The following PARD3 variants were observed in gnomAD, a reference collection of about 807,000 sequenced individuals.
PARD3 encodes partitioning defective 3 homolog.
In PARD3, 75 loss-of-function variants were observed where a neutral mutation model predicts 155.4. The ratio of observed to expected loss-of-function variants is 0.48; its 90% CI spans 0.40 to 0.58. The LOEUF (loss-of-function observed/expected upper bound fraction) is 0.58. Among genes scored for constraint, PARD3 ranks in the 20% least tolerant of loss-of-function variants. The pLI is 0.00. For missense variants in PARD3, 1,642 were observed against 1,721.7 expected (o/e 0.95, Z 0.82); for synonymous variants, 576 against 610.5 (o/e 0.94, Z 0.83).
At chr10:34,502,808 T>G (rs773136813) in intron 3 of PARD3, among the ~76,000 whole-genome samples, 57 of 152,056 alleles carry the variant, frequency 3.7e-4, no homozygotes, top group Non-Finnish European at 6.8e-4. Context: ...TTCCCACTTT[T>G]GAAGAAAAGA....
chr10:34,612,525 G>T (rs979863366), intron 2 of PARD3, among the ~76,000 whole-genome samples: 3 of 152,188 alleles, frequency 2.0e-5, no homozygotes, highest in Non-Finnish European at 4.4e-5. Flanking sequence ...CGTGTGAGAG[G>T]CACAATGTCT....
intron 21 of PARD3, among the ~76,000 whole-genome samples, chr10:34,280,910 G>A (rs1387241124): frequency 2.6e-5 from 4 of 152,244 alleles, no homozygotes; most frequent in Non-Finnish European, 4.4e-5. Context: ...AGAAAGATAC[G>A]CATATACTGG....
At chr10:34,552,730 T>C (rs17579143) in intron 2 of PARD3, among the ~76,000 whole-genome samples, 1 of 146,984 alleles carries the variant, frequency 6.8e-6, no homozygotes, top group Admixed American at 6.8e-5. Flanking sequence ...AAAAAAAAAA[T>C]CTAAATTTAC....
At chr10:34,236,244 T>G (rs758969534) in intron 22 of PARD3, among the ~76,000 whole-genome samples, 2 of 152,178 alleles carry the variant, frequency 1.3e-5, no homozygotes, top group Non-Finnish European at 2.9e-5. Flanking sequence ...TCCAGTGATA[T>G]CCATAAAAGA....
chr10:34,476,875 C>T (rs912519951), intron 3 of PARD3, among the ~76,000 whole-genome samples: 2 of 152,150 alleles, frequency 1.3e-5, no homozygotes, highest in East Asian at 1.9e-4. Context: ...GATCTTTTCA[C>T]GAGTTTCACC....
intron 2 of PARD3, among the ~76,000 whole-genome samples, chr10:34,633,335 CCCCAACCCCCCT>C (rs1193988824): frequency 6.6e-6 from 1 of 151,864 alleles, no homozygotes; most frequent in African/African-American, 2.4e-5. Context: ...GTTACGATCT[CCCCAACCCCCCT>C]CCCAACCGCT....
chr10:34,689,296 C>T (rs577446236), intron 2 of PARD3, among the ~76,000 whole-genome samples: 1 of 152,190 alleles, frequency 6.6e-6, no homozygotes, highest in Non-Finnish European at 1.5e-5. Context: ...CTGCATCACA[C>T]GATCCCTCAG....
At position 34,380,486 on chromosome 10, in the gene PARD3, T is replaced by G. The variant is rs537964902; in HGVS notation, c.1399+2054A>C. Among the ~76,000 whole-genome samples, 17 of 152,296 alleles carry G rather than the reference T, an allele frequency of 1.1e-4. 1 individual carries two copies. The South Asian group carries it at 3.3e-3, about 30-fold the overall frequency. On this transcript the variant is annotated intron_variant, in intron 9 of 24. Transcript: ENST00000374788. Reference sequence around the variant, plus strand: ...AAAACAATGGTACCAGTTTTGTAAGTAAAATGTATCAATTTGATTTATTTA... The same window carrying G: ...AAAACAATGGTACCAGTTTTGTAAGGAAAATGTATCAATTTGATTTATTTA...
chr10:34,115,155 G>C (rs183784587), intron 24 of PARD3, among the ~76,000 whole-genome samples: 1 of 152,272 alleles, frequency 6.6e-6, no homozygotes, highest in African/African-American at 2.4e-5. Context: ...CTAAGAAGTT[G>C]GGAAGTAGAT....
chr10:34,490,306 CAG>C (rs1349359767), intron 3 of PARD3, among the ~76,000 whole-genome samples: 13 of 151,894 alleles, frequency 8.6e-5, no homozygotes, highest in Non-Finnish European at 1.2e-4. Context: ...GACGAGCAAA[CAG>C]AAAATTCATC....
At chr10:34,445,388 T>C (rs966577497) in intron 5 of PARD3, among the ~76,000 whole-genome samples, 5 of 152,226 alleles carry the variant, frequency 3.3e-5, no homozygotes, top group African/African-American at 4.8e-5. Context: ...TAATCAATTA[T>C]TCTGCTGGAT....
intron 2 of PARD3, among the ~76,000 whole-genome samples, chr10:34,545,228 C>G (rs1189031312): frequency 6.6e-6 from 1 of 152,160 alleles, no homozygotes; most frequent in Admixed American, 6.5e-5. Flanking sequence ...ATCACCTGTT[C>G]CAGCATCATG....
chr10:34,793,812 A>G (rs7087523), intron 1 of PARD3, among the ~76,000 whole-genome samples: 53,389 of 151,626 alleles, frequency 0.35, 10,563 homozygotes, highest in African/African-American at 0.55. Context: ...CTGGGGAAAC[A>G]TGAAGGGTGG....
chr10:34,397,139 A>C (rs3844127), intron 7 of PARD3, among the ~76,000 whole-genome samples: 36,461 of 152,094 alleles, frequency 0.24, 5,143 homozygotes, highest in South Asian at 0.46. Context: ...GTTTCTTATG[A>C]AGTAACAGGA....
intron 2 of PARD3, among the ~76,000 whole-genome samples, chr10:34,612,206 T>A (rs1252176263): frequency 3.3e-5 from 5 of 152,130 alleles, no homozygotes; most frequent in Non-Finnish European, 7.4e-5. Flanking sequence ...AACATAACCA[T>A]AGGCTAGAAA....
chr10:34,484,471 A>C (rs1277496764), intron 3 of PARD3, among the ~76,000 whole-genome samples: 1 of 152,146 alleles, frequency 6.6e-6, no homozygotes, highest in Non-Finnish European at 1.5e-5. Flanking sequence ...TTTTGACAGG[A>C]GTGTGCTGTT....
chr10:34,356,874 A>G (rs1838939016), intron 14 of PARD3, among the ~76,000 whole-genome samples: 2 of 152,224 alleles, frequency 1.3e-5, no homozygotes, highest in Non-Finnish European at 2.9e-5. Flanking sequence ...CACTCATAAG[A>G]TTTTTTGATA....
chr10:34,446,271 G>C (rs931368031), intron 5 of PARD3, among the ~76,000 whole-genome samples: 4 of 152,064 alleles, frequency 2.6e-5, no homozygotes, highest in Admixed American at 2.6e-4. Context: ...ATATTCCCTA[G>C]CTCCAGACTT....
At chr10:34,253,566 G>C (rs1465932850) in intron 22 of PARD3, among the ~76,000 whole-genome samples, 4 of 152,132 alleles carry the variant, frequency 2.6e-5, no homozygotes, top group African/African-American at 9.7e-5. Flanking sequence ...TCATGGCCTG[G>C]CTCTCCCTCA....
Sources: gnomAD v4.1 joint callset for allele counts (sites outside exome capture counted in the v4.1 genomes callset) on GRCh38, gnomAD v4.1.1 for gene constraint, MANE v1.5 for transcripts, NCBI Gene and HGNC (gene_info 2026-07-23, HGNC 2026-07-21) for gene names.